ARID1B: variants seen among roughly 807,000 people sequenced by gnomAD.
The protein encoded by ARID1B is AT-rich interaction domain 1B.
ARID1B carries 30 observed loss-of-function variants against 212.3 expected under a neutral mutation model. The ratio of observed to expected loss-of-function variants is 0.14; its 90% CI spans 0.11 to 0.19. The LOEUF (loss-of-function observed/expected upper bound fraction) is 0.19, where lower values mean the gene tolerates loss of function less well. Ranked by LOEUF, ARID1B falls within the 10% of genes least tolerant of loss-of-function variation. The pLI, the probability that ARID1B is intolerant of heterozygous loss-of-function variation, is 1.00. For synonymous variants in ARID1B, 1,402 were observed against 1,301.7 expected, an observed-to-expected ratio of 1.08 and a Z score of -1.66; for missense variants, 2,891 against 3,204.0, an observed-to-expected ratio of 0.90 and a Z score of 2.36.
chr6:157,097,567 C>A (rs1562615414), intron 5 of ARID1B, among the ~76,000 whole-genome samples: 1 of 152,176 alleles, frequency 6.6e-6, no homozygotes, highest in East Asian at 1.9e-4. Context: ...AGCCAACCAC[C>A]CATGTTTACA....
chr6:157,084,137 C>A (rs1784807828), intron 4 of ARID1B, among the ~76,000 whole-genome samples: 1 of 118,588 alleles, frequency 8.4e-6, no homozygotes, highest in African/African-American at 3.7e-5. Flanking sequence ...TTCATCACCT[C>A]CCCCCCAAAA....
intron 5 of ARID1B, 67 bp from the exon 6 acceptor site, chr6:157,110,404 GT>G (rs1786819631): frequency 4.9e-6 from 7 of 1,417,146 alleles, no homozygotes; most frequent in Non-Finnish European, 7.0e-6. Flanking sequence ...CTGTGTCTTG[GT>G]TTTGCATGAC....
At chr6:156,978,857 A>G (rs566822932) in intron 4 of ARID1B, among the ~76,000 whole-genome samples, 83 of 152,330 alleles carry the variant, frequency 5.4e-4, no homozygotes, top group African/African-American at 1.9e-3. Context: ...TTAGCCTTCA[A>G]TATAGCAGAA....
In ARID1B at chr6:157,113,617, C is replaced by T. The variant is rs541233576; in HGVS notation, c.2581+3056C>T. ...TAGCACTAGGGGGACGGTGCTAAAC[C>T]GCTAGAAACCACCCCCATGATCCAA... is the stretch of plus-strand genomic sequence containing the variant. On this transcript the variant is annotated intron_variant, in intron 6 of 19. Coordinates refer to ENST00000636930, the MANE Select transcript of ARID1B (RefSeq NM_001374828.1). Among the ~76,000 whole-genome samples the T allele has an allele frequency of 8.5e-5, 13 of 152,222 alleles. No individual in the cohort carries two copies. The South Asian group carries it at 1.7e-3, about 19-fold the overall frequency.
In ARID1B at chr6:156,778,747, CCGCCGG is replaced by C; in HGVS notation, c.1068_1073del (p.Gly358_Ala359del). The C allele has an allele frequency of 1.3e-6, 2 of 1,525,024 alleles. No homozygotes were observed. The highest frequency in any genetic ancestry group is 1.8e-6 in the Non-Finnish European group (2 of 1,134,448). The allele number at this position is 1,525,024 out of a possible 1,614,324, so 94.5% of individuals were successfully genotyped here. A position where few individuals can be genotyped will look rare whatever the true frequency, so the allele number is the denominator to read the frequency against. ...ATGATGCACTCCGCCTCCGCCGCCG[CCGCCGG>C]GGCCCCCGGCAGCATGGACCCCCTG... On this transcript the variant is annotated inframe_deletion, in exon 1 of 20. Transcript: ENST00000636930.
At chr6:156,897,446 G>C (rs1788572410) in intron 2 of ARID1B, among the ~76,000 whole-genome samples, 1 of 151,494 alleles carries the variant, frequency 6.6e-6, no homozygotes, top group African/African-American at 2.4e-5. Flanking sequence ...GCTAATTTTT[G>C]TATTTTTAGT....
intron 4 of ARID1B, among the ~76,000 whole-genome samples, chr6:156,972,856 A>G (rs561582876): frequency 6.6e-6 from 1 of 152,358 alleles, no homozygotes; most frequent in South Asian, 2.1e-4. Flanking sequence ...TTTCCAGTAA[A>G]AAGACATTTT....
intron 2 of ARID1B, among the ~76,000 whole-genome samples, chr6:156,862,422 C>G (rs973144214): frequency 2.7e-4 from 41 of 152,112 alleles, no homozygotes; most frequent in African/African-American, 3.4e-4. Flanking sequence ...CCTTGGCACC[C>G]CAACACTTAA....
chr6:157,077,421 G>A (rs951889878), intron 4 of ARID1B, among the ~76,000 whole-genome samples: 2 of 152,028 alleles, frequency 1.3e-5, no homozygotes, highest in Admixed American at 6.6e-5. Context: ...GAGGCCATGC[G>A]CAGCCTGCCT....
chr6:156,842,234 C>T (rs1028084477), intron 2 of ARID1B, among the ~76,000 whole-genome samples: 1 of 152,148 alleles, frequency 6.6e-6, no homozygotes, highest in African/African-American at 2.4e-5. Flanking sequence ...TTTCACCACC[C>T]CCAGATGAGA....
intron 4 of ARID1B, among the ~76,000 whole-genome samples, chr6:156,989,748 C>T (rs1216406992): frequency 6.6e-6 from 1 of 152,188 alleles, no homozygotes. Flanking sequence ...ATTAAGTGTA[C>T]ATCCAATAAA....
chr6:156,804,023 A>G (rs781106772), intron 1 of ARID1B, among the ~76,000 whole-genome samples: 1 of 152,112 alleles, frequency 6.6e-6, no homozygotes, highest in Non-Finnish European at 1.5e-5. Flanking sequence ...GCCTGGTATG[A>G]TGGAGAATGT....
At chr6:157,012,949 G>A (rs1779702258) in intron 4 of ARID1B, among the ~76,000 whole-genome samples, 2 of 152,128 alleles carry the variant, frequency 1.3e-5, no homozygotes, top group South Asian at 4.1e-4. Flanking sequence ...GCATGATCTC[G>A]GCTCACCGCA....
chr6:157,036,186 AC>A (rs1232140971), intron 4 of ARID1B: 1 of 152,252 alleles, frequency 6.6e-6, no homozygotes, highest in African/African-American at 2.4e-5. Flanking sequence ...TGTTTAAAAA[AC>A]AGTAATTATC....
rs891926476 is a variant in ARID1B at position 157,210,484 on chromosome 6, C to T, written c.*2593C>T. The stretch of plus-strand genomic sequence containing the variant: ...GGCAACAAGTTTTTCTATCCTGATG[C>T]GCAACACAGTCTCTAGAGACTAATC... On this transcript the variant is annotated 3_prime_UTR_variant, in exon 20 of 20. Coordinates refer to ENST00000636930, the MANE Select transcript of ARID1B (RefSeq NM_001374828.1). 2.6e-5 allele frequency: 6 copies of T among 231,824 alleles called. No homozygotes were observed. Among genetic ancestry groups the T allele is most frequent in the African/African-American group, 1.1e-4 (5 of 45,246 alleles). The allele number at this position is 231,824 out of a possible 1,614,324, so 14.4% of individuals were successfully genotyped here. A position where few individuals can be genotyped will look rare whatever the true frequency, so the allele number is the denominator to read the frequency against.
rs780611617 is a variant in ARID1B, at chr6:157,084,823, G to T, written c.2409G>T (p.Gly803=). The part of the protein sequence containing the change: ...HASPHLSSIP[G]GPSPSPVGSP... Reference sequence around the variant, plus strand: ...CCCCTCATCTCTCCAGCATCCCGGGGGGCCCATCTCCCTCTCCTGTTGGCT... The same window carrying T: ...CCCCTCATCTCTCCAGCATCCCGGGTGGCCCATCTCCCTCTCCTGTTGGCT... Residue 803 remains glycine, a synonymous_variant, in exon 5 of 20, where the codon GGG becomes GGT. Transcript: ENST00000636930. 1 of 1,614,076 alleles carries T rather than the reference G, an allele frequency of 6.2e-7. No individual in the cohort carries two copies. The highest frequency in any genetic ancestry group is 8.5e-7 in the Non-Finnish European group (1 of 1,179,982).
At chr6:157,102,012 A>G (rs1027933382) in intron 5 of ARID1B, among the ~76,000 whole-genome samples, 5 of 152,318 alleles carry the variant, frequency 3.3e-5, no homozygotes, top group African/African-American at 1.2e-4. Flanking sequence ...GAATATTTCT[A>G]TATCTATTAG....
At chr6:156,982,475 G>T (rs1056994154) in intron 4 of ARID1B, among the ~76,000 whole-genome samples, 6 of 143,954 alleles carry the variant, frequency 4.2e-5, no homozygotes, top group Non-Finnish European at 6.0e-5. Context: ...AGTATGTACT[G>T]TTCTTCATTT....
intron 4 of ARID1B, among the ~76,000 whole-genome samples, chr6:157,067,645 C>T (rs1235942689): frequency 1.3e-5 from 2 of 152,070 alleles, no homozygotes; most frequent in South Asian, 2.1e-4. Context: ...TGGATCTGCC[C>T]GACACTTTGT....
Sources: allele counts gnomAD v4.1 joint callset (sites outside exome capture counted in the v4.1 genomes callset), GRCh38; gene constraint gnomAD v4.1.1; transcripts MANE v1.5; gene names NCBI Gene and HGNC (gene_info 2026-07-23, HGNC 2026-07-21).